IQCM: variants seen among roughly 807,000 people sequenced by gnomAD.
The protein encoded by IQCM is IQ motif containing M.
In IQCM, 45 loss-of-function variants were observed where a neutral mutation model predicts 57.6. The observed-to-expected ratio is 0.78, with a 90% CI of 0.62 to 1.00. The LOEUF is 1.00. Ranked by LOEUF, IQCM falls within the 50% of genes least tolerant of loss-of-function variation. The pLI is 0.00. For missense variants in IQCM, 468 were observed against 511.6 expected, an observed-to-expected ratio of 0.91 and a Z score of 0.82; for synonymous variants, 148 against 158.9, an observed-to-expected ratio of 0.93 and a Z score of 0.51.
chr4:149,735,511 T>C, intron 3 of IQCM, 53 bp from the exon 4 acceptor site: 2 of 784,224 alleles, frequency 2.6e-6, no homozygotes, highest in Non-Finnish European at 3.5e-6. Flanking sequence ...AAAGTAAATT[T>C]TACAAGTTGA....
At chr4:149,469,548 T>C (rs1221483279) in intron 12 of IQCM, among the ~76,000 whole-genome samples, 1 of 152,228 alleles carries the variant, frequency 6.6e-6, no homozygotes, top group Non-Finnish European at 1.5e-5. Context: ...GAAAACATTC[T>C]GCAGAATATT....
At chr4:149,555,850 C>T (rs1454119225) in intron 10 of IQCM, among the ~76,000 whole-genome samples, 1 of 152,184 alleles carries the variant, frequency 6.6e-6, no homozygotes, top group Non-Finnish European at 1.5e-5. Flanking sequence ...AGTACCTTTT[C>T]CTCTGAATGT....
intron 5 of IQCM, among the ~76,000 whole-genome samples, chr4:149,701,921 C>T (rs887683478): frequency 3.9e-5 from 6 of 151,940 alleles, no homozygotes; most frequent in East Asian, 3.9e-4. Flanking sequence ...AGATAAGATT[C>T]TATAATTAGA....
chr4:149,657,358 T>C (rs949279945), intron 7 of IQCM, among the ~76,000 whole-genome samples: 1 of 152,200 alleles, frequency 6.6e-6, no homozygotes, highest in Non-Finnish European at 1.5e-5. Context: ...ATTCTTTTTA[T>C]AGCTGAATAG....
intron 2 of IQCM, among the ~76,000 whole-genome samples, chr4:149,787,075 G>A (rs559802432): frequency 6.6e-6 from 1 of 152,150 alleles, no homozygotes; most frequent in African/African-American, 2.4e-5. Flanking sequence ...AACTAACACA[G>A]GAACGGAAAA....
At position 149,567,191 on chromosome 4, in the gene IQCM, A is replaced by G. The variant is rs958837609; in HGVS notation, c.750-3301T>C. On this transcript the variant is annotated intron_variant, in intron 9 of 13. Transcript: ENST00000636793. ...TTCTCTTCTTTGTGACTTATTTGCA[A>G]AGTTTGGTATTCCTAACATTGAAAG... 2.0e-5 allele frequency among the ~76,000 whole-genome samples: 3 copies of G among 151,996 alleles called. No individual in the cohort carries two copies. In the East Asian group the frequency reaches 5.8e-4, roughly 29 times the overall value.
chr4:149,650,096 C>T (rs917755676), intron 7 of IQCM, among the ~76,000 whole-genome samples: 9 of 152,016 alleles, frequency 5.9e-5, no homozygotes, highest in Non-Finnish European at 1.2e-4. Flanking sequence ...GATATGTTGA[C>T]GTTCTAACTT....
intron 3 of IQCM, among the ~76,000 whole-genome samples, chr4:149,738,342 C>T (rs979450174): frequency 3.9e-5 from 6 of 152,182 alleles, no homozygotes; most frequent in African/African-American, 9.7e-5. Context: ...CCCTTGTTGT[C>T]ATTTAATGTG....
chr4:149,749,545 G>A (rs766554245), intron 2 of IQCM, among the ~76,000 whole-genome samples: 4 of 151,988 alleles, frequency 2.6e-5, no homozygotes, highest in Non-Finnish European at 5.9e-5. Flanking sequence ...TGCAGGGTCT[G>A]AGGTGGGGGG....
At chr4:149,456,847 C>T (rs529457889) in intron 12 of IQCM, among the ~76,000 whole-genome samples, 229 of 152,158 alleles carry the variant, frequency 1.5e-3, no homozygotes, top group African/African-American at 5.3e-3. Flanking sequence ...TTAGAATGTC[C>T]TGAACTCCAT....
chr4:149,486,490 T>A (rs1741530101), intron 12 of IQCM, among the ~76,000 whole-genome samples: 1 of 152,132 alleles, frequency 6.6e-6, no homozygotes, highest in Non-Finnish European at 1.5e-5. Context: ...GGCTCACGCC[T>A]GTAATCCCAG....
chr4:149,404,668 GAACAA>G (rs1308003303), intron 13 of IQCM, among the ~76,000 whole-genome samples: 1 of 151,960 alleles, frequency 6.6e-6, no homozygotes, highest in Non-Finnish European at 1.5e-5. Flanking sequence ...ATCAGATATG[GAACAA>G]AAAGTACAGT....
intron 7 of IQCM, among the ~76,000 whole-genome samples, chr4:149,659,651 G>A (rs562881896): frequency 6.6e-6 from 1 of 152,196 alleles, no homozygotes; most frequent in East Asian, 1.9e-4. Context: ...CAATGGAACA[G>A]AACAGAGCCC....
At chr4:149,626,183 A>G (rs1756779100) in intron 7 of IQCM, among the ~76,000 whole-genome samples, 1 of 151,736 alleles carries the variant, frequency 6.6e-6, no homozygotes, top group African/African-American at 2.4e-5. Context: ...GCTAGAATAT[A>G]AGCAGGCAGA....
chr4:149,536,739 A>G (rs1227638449), intron 12 of IQCM, among the ~76,000 whole-genome samples: 1 of 152,014 alleles, frequency 6.6e-6, no homozygotes, highest in African/African-American at 2.4e-5. Flanking sequence ...ATTTCATCCA[A>G]AAAGACTCTG....
chr4:149,786,455 G>C (rs1392969565), intron 2 of IQCM, among the ~76,000 whole-genome samples: 1 of 152,022 alleles, frequency 6.6e-6, no homozygotes, highest in Non-Finnish European at 1.5e-5. Context: ...CCCCAAAGTA[G>C]AAGAGGAAAT....
intron 2 of IQCM, among the ~76,000 whole-genome samples, chr4:149,753,206 T>C (rs1482180179): frequency 1.3e-5 from 2 of 151,594 alleles, no homozygotes; most frequent in Non-Finnish European, 2.9e-5. Flanking sequence ...ATAAGATCAA[T>C]AAGATCAACA....
intron 13 of IQCM, among the ~76,000 whole-genome samples, chr4:149,418,320 A>C (rs1419791175): frequency 6.6e-6 from 1 of 152,172 alleles, no homozygotes. Context: ...ACCTCTATAC[A>C]AATAAGCTAG....
chr4:149,738,594 CA>C (rs1767160743), intron 3 of IQCM, among the ~76,000 whole-genome samples: 1 of 152,154 alleles, frequency 6.6e-6, no homozygotes, highest in Non-Finnish European at 1.5e-5. Flanking sequence ...ATTGTCACAG[CA>C]TACCCTTACA....
Sources: allele counts gnomAD v4.1 joint callset (sites outside exome capture counted in the v4.1 genomes callset), GRCh38; gene constraint gnomAD v4.1.1; transcripts MANE v1.5; gene names NCBI Gene and HGNC (gene_info 2026-07-23, HGNC 2026-07-21).